TBC1D5: variants seen among roughly 807,000 people sequenced by gnomAD.
The protein encoded by TBC1D5 is TBC1 domain family, member 5.
Under a neutral mutation model 100.3 loss-of-function variants are expected in TBC1D5, and 75 were observed. That is an observed-to-expected ratio of 0.75 (90% CI 0.62 to 0.91). The LOEUF (loss-of-function observed/expected upper bound fraction) is 0.91, where lower values mean the gene tolerates loss of function less well. TBC1D5 is among the 40% of genes least tolerant of loss of function. TBC1D5 has a pLI of 0.00. For synonymous variants in TBC1D5, 323 were observed against 325.6 expected (o/e 0.99, Z 0.09); for missense variants, 910 against 942.4 (o/e 0.97, Z 0.45).
chr3:17,319,903 G>C (rs1388554997), intron 13 of TBC1D5, among the ~76,000 whole-genome samples: 1 of 151,866 alleles, frequency 6.6e-6, no homozygotes, highest in Non-Finnish European at 1.5e-5. Context: ...ATAAACAGGA[G>C]CACATATTTT....
chr3:17,404,106 T>C (rs1405837935), intron 7 of TBC1D5, among the ~76,000 whole-genome samples: 1 of 152,084 alleles, frequency 6.6e-6, no homozygotes, highest in Non-Finnish European at 1.5e-5. Flanking sequence ...AATACTTACG[T>C]ATTGGGAAAG....
intron 17 of TBC1D5, among the ~76,000 whole-genome samples, chr3:17,219,540 G>T (rs2074048130): frequency 6.6e-6 from 1 of 150,780 alleles, no homozygotes. Flanking sequence ...AATAATATGT[G>T]GCAATTCTGG....
intron 10 of TBC1D5, 47 bp downstream of exon 10, chr3:17,376,478 G>T (rs766578435): frequency 6.6e-7 from 1 of 1,526,682 alleles, no homozygotes; most frequent in Non-Finnish European, 8.9e-7. Context: ...AAAGGTTACC[G>T]TGGGGGCTAA....
intron 1 of TBC1D5, among the ~76,000 whole-genome samples, chr3:17,708,855 T>C (rs993457785): frequency 1.3e-5 from 2 of 152,236 alleles, no homozygotes; most frequent in Non-Finnish European, 2.9e-5. Context: ...TGTATGATGA[T>C]TTCAGTTTTT....
At chr3:17,339,349 C>T (rs1367847194) in intron 13 of TBC1D5, among the ~76,000 whole-genome samples, 1 of 152,318 alleles carries the variant, frequency 6.6e-6, no homozygotes, top group Middle Eastern at 3.4e-3. Flanking sequence ...GCTCACCTTG[C>T]CAAGTCCCCT....
At chr3:17,539,513 T>C (rs965333501) in intron 2 of TBC1D5, among the ~76,000 whole-genome samples, 7 of 151,824 alleles carry the variant, frequency 4.6e-5, no homozygotes, top group Non-Finnish European at 1.0e-4. Context: ...TTCCAGGGCC[T>C]GCTATCTGTC....
At chr3:17,459,921 T>C (rs1250358005) in intron 3 of TBC1D5, among the ~76,000 whole-genome samples, 2 of 152,184 alleles carry the variant, frequency 1.3e-5, no homozygotes, top group Non-Finnish European at 2.9e-5. Context: ...AAAATAAAAA[T>C]TCAGCAGGAT....
rs531787621 is a variant in TBC1D5 at position 17,621,691 on chromosome 3, A to G, written c.-36+2158T>C. ...TGTCCTGTCTCTAGCACTCCATGATATAGTATTCTCGCTAACTTTTTTTTT... is the reference window on the plus strand; with the variant it reads ...TGTCCTGTCTCTAGCACTCCATGATGTAGTATTCTCGCTAACTTTTTTTTT... On this transcript the variant is annotated intron_variant, in intron 2 of 21. Transcript: ENST00000253692. Among the ~76,000 whole-genome samples, 10 of 150,422 alleles carry G rather than the reference A, an allele frequency of 6.6e-5. No individual in the cohort carries two copies. In the East Asian group the frequency reaches 1.9e-3, roughly 29 times the overall value.
At chr3:17,284,285 T>C (rs1442404847) in intron 15 of TBC1D5, among the ~76,000 whole-genome samples, 1 of 152,028 alleles carries the variant, frequency 6.6e-6, no homozygotes, top group Non-Finnish European at 1.5e-5. Flanking sequence ...GTCTGGCTAA[T>C]TTTTGTATTT....
At chr3:17,624,152 A>T (rs776686067) in intron 1 of TBC1D5, among the ~76,000 whole-genome samples, 5 of 152,186 alleles carry the variant, frequency 3.3e-5, no homozygotes, top group Non-Finnish European at 7.3e-5. Flanking sequence ...ACTGTCATTT[A>T]GCAAAGTATT....
chr3:17,222,024 T>C (rs1207244330), intron 17 of TBC1D5, among the ~76,000 whole-genome samples: 2 of 152,196 alleles, frequency 1.3e-5, no homozygotes, highest in African/African-American at 4.8e-5. Context: ...TTATTCTTGA[T>C]CGGACTTACT....
chr3:17,230,426 T>C (rs1316084910), intron 17 of TBC1D5, among the ~76,000 whole-genome samples: 1 of 152,106 alleles, frequency 6.6e-6, no homozygotes, highest in Non-Finnish European at 1.5e-5. Flanking sequence ...TTAACAATGG[T>C]TACCCTTGGG....
intron 3 of TBC1D5, among the ~76,000 whole-genome samples, chr3:17,430,494 G>C (rs1281289058): frequency 6.6e-6 from 1 of 150,886 alleles, no homozygotes; most frequent in Non-Finnish European, 1.5e-5. Context: ...TAACTTTCAA[G>C]GTGCAAAAAA....
At position 17,633,004 on chromosome 3, in the gene TBC1D5, A is replaced by C. The variant is rs75578033; in HGVS notation, c.-100-9091T>G. On this transcript the variant is annotated intron_variant, in intron 1 of 21. Coordinates refer to ENST00000253692, the Ensembl canonical transcript of TBC1D5. ...CTTTATTCCAAGTATTAACATAATT[A>C]ATTTCTTTTATTCTGTCTATATTCT... 1.7e-3 allele frequency among the ~76,000 whole-genome samples: 264 copies of C among 152,316 alleles called. 3 individuals carry two copies. In the East Asian group the frequency reaches 0.018, roughly 10 times the overall value.
intron 1 of TBC1D5, among the ~76,000 whole-genome samples, chr3:17,635,410 G>A (rs762423277): frequency 1.5e-4 from 23 of 152,186 alleles, no homozygotes; most frequent in Non-Finnish European, 2.6e-4. Flanking sequence ...GCTGGGTGTG[G>A]TGTCTCACGC....
chr3:17,477,823 TACTGA>T (rs1283508773), intron 3 of TBC1D5, among the ~76,000 whole-genome samples: 2 of 152,262 alleles, frequency 1.3e-5, no homozygotes, highest in Non-Finnish European at 2.9e-5. Flanking sequence ...GGTTATATTT[TACTGA>T]ACTGAACTCT....
chr3:17,385,345 A>G (rs139278057), intron 8 of TBC1D5, among the ~76,000 whole-genome samples: 17 of 152,216 alleles, frequency 1.1e-4, no homozygotes, highest in African/African-American at 4.1e-4. Flanking sequence ...GACCTAGAGC[A>G]TGAAGGCATA....
chr3:17,242,159 A>G (rs2076359975), intron 16 of TBC1D5, among the ~76,000 whole-genome samples: 2 of 152,248 alleles, frequency 1.3e-5, no homozygotes, highest in South Asian at 4.1e-4. Context: ...AGGGCCTCCA[A>G]TGCCTTCGTA....
At chr3:17,709,774 T>C (rs999379755) in intron 1 of TBC1D5, among the ~76,000 whole-genome samples, 7 of 152,206 alleles carry the variant, frequency 4.6e-5, no homozygotes, top group Admixed American at 3.9e-4. Flanking sequence ...TGCTGCAAAA[T>C]ATAGGAGTTG....
Sources: gnomAD v4.1 joint callset for allele counts (sites outside exome capture counted in the v4.1 genomes callset) on GRCh38, gnomAD v4.1.1 for gene constraint, MANE v1.5 for transcripts, NCBI Gene and HGNC (gene_info 2026-07-23, HGNC 2026-07-21) for gene names.